Variants in KCNQ1OT1 observed in about 807,000 individuals in gnomAD.
KCNQ1OT1 encodes KCNQ1 antisense RNA 2 (non-protein coding).
At position 2,612,948 on chromosome 11, in the gene KCNQ1OT1, A is replaced by G. The variant is rs1038385884; in HGVS notation, n.87047T>C. 1 of 398,382 alleles carries G rather than the reference A, an allele frequency of 2.5e-6. No individual in the cohort carries two copies. The highest frequency in any genetic ancestry group is 2.1e-5 in the African/African-American group (1 of 48,576). 24.7% of individuals were successfully genotyped at this position (398,382 alleles called of 1,614,324 possible). A position where few individuals can be genotyped will look rare whatever the true frequency, so the allele number is the denominator to read the frequency against. The stretch of plus-strand genomic sequence containing the variant: ...TGCCTTCTCTGCATGGATTCTGCAG[A>G]GTCTGTGTTCTCCTGCAGTGTGCAG... On this transcript the variant is annotated non_coding_transcript_exon_variant, in exon 1 of 1. Coordinates refer to ENST00000597346, the Ensembl canonical transcript of KCNQ1OT1. This position sits in a 1 kb window ranked among gnomAD's most constrained non-coding sequence, Gnocchi z 5.5.
Position 2,695,649 on chromosome 11 carries a change from A to G in KCNQ1OT1, n.4346T>C, listed in dbSNP as rs566327250. 6 of 398,558 alleles carry G rather than the reference A, an allele frequency of 1.5e-5. No homozygotes were observed. Among genetic ancestry groups the G allele is most frequent in the South Asian group, 1.3e-4 (1 of 7,848 alleles). The allele number at this position is 398,558 out of a possible 1,614,324, so 24.7% of individuals were successfully genotyped here. On this transcript the variant is annotated non_coding_transcript_exon_variant, in exon 1 of 1. Coordinates refer to ENST00000597346, the Ensembl canonical transcript of KCNQ1OT1. This position sits in a 1 kb window ranked among gnomAD's most constrained non-coding sequence, Gnocchi z 5.2. ...AGGGAAACTGCTGGGCCACAGGTAT[A>G]AAATATTTTATTTGAGGAAGAAGTG...
rs994164485 is a variant in KCNQ1OT1 at position 2,624,141 on chromosome 11, G to C, written n.75854C>G. 3 of 398,242 alleles carry C rather than the reference G, an allele frequency of 7.5e-6. No homozygotes were observed. Among genetic ancestry groups the C allele is most frequent in the Admixed American group, 4.4e-5 (1 of 22,692 alleles). 24.7% of individuals were successfully genotyped at this position (398,242 alleles called of 1,614,324 possible). ...AGCGTGTAGATATATCACATTTCTT[G>C]TTTTAATTTCCATTTCCCTAATGAC... On this transcript the variant is annotated non_coding_transcript_exon_variant, in exon 1 of 1. Transcript: ENST00000597346. The surrounding 1 kb of genome is among the most constrained non-coding windows in gnomAD (Gnocchi z 4.9).
At position 2,659,226 on chromosome 11, in the gene KCNQ1OT1, C is replaced by G. The variant is rs1849906711; in HGVS notation, n.40769G>C. On this transcript the variant is annotated non_coding_transcript_exon_variant, in exon 1 of 1. Coordinates refer to ENST00000597346, the Ensembl canonical transcript of KCNQ1OT1. The surrounding 1 kb of genome is among the most constrained non-coding windows in gnomAD (Gnocchi z 4.3). ...GTATCATTCACAGAAGTTCCATACCCCTAAAAATACCCTGGGGTGAGTCTT... is the reference window on the plus strand; with the variant it reads ...GTATCATTCACAGAAGTTCCATACCGCTAAAAATACCCTGGGGTGAGTCTT... 2.5e-6 allele frequency: 1 copy of G among 398,616 alleles called. No homozygotes were observed. The allele number at this position is 398,616 out of a possible 1,614,324, so 24.7% of individuals were successfully genotyped here.
exon 1 of KCNQ1OT1, chr11:2,686,144 G>A (rs1850486087): frequency 2.5e-6 from 1 of 398,766 alleles, no homozygotes; most frequent in African/African-American, 2.1e-5. Flanking sequence ...CCTTGCTTCT[G>A]GGGTTTGCTT....
At position 2,668,016 on chromosome 11, in the gene KCNQ1OT1, T is replaced by C; in HGVS notation, n.31979A>G. On this transcript the variant is annotated non_coding_transcript_exon_variant, in exon 1 of 1. Transcript: ENST00000597346. The surrounding 1 kb of genome is among the most constrained non-coding windows in gnomAD (Gnocchi z 4.3). ...CCTTGAGATTAACCACAGGCCTAAC[T>C]GCTAGCAGCAAGGACCAGCTTTGCC... is the stretch of plus-strand genomic sequence containing the variant. 2 of 398,616 alleles carry C rather than the reference T, an allele frequency of 5.0e-6. No individual in the cohort carries two copies. Among genetic ancestry groups the C allele is most frequent in the Non-Finnish European group, 4.4e-6 (1 of 226,064 alleles). 24.7% of individuals were successfully genotyped at this position (398,616 alleles called of 1,614,324 possible).
exon 1 of KCNQ1OT1, chr11:2,622,249 C>T (rs931109927): frequency 1.8e-5 from 7 of 398,228 alleles, no homozygotes; most frequent in South Asian, 1.3e-4. Flanking sequence ...GGTGTGTATA[C>T]GTTTCCAATT....
exon 1 of KCNQ1OT1, chr11:2,666,311 A>G (rs1850066301): frequency 2.5e-6 from 1 of 398,668 alleles, no homozygotes; most frequent in Non-Finnish European, 4.4e-6. Context: ...AAAGCTGCAG[A>G]GACCCCCACC....
rs1849261363 is a variant in KCNQ1OT1 at position 2,626,299 on chromosome 11, T to G, written n.73696A>C. The G allele has an allele frequency of 5.0e-6, 2 of 398,576 alleles. No homozygotes were observed. Among genetic ancestry groups the G allele is most frequent in the East Asian group, 3.6e-5 (1 of 28,054 alleles). The allele number at this position is 398,576 out of a possible 1,614,324, so 24.7% of individuals were successfully genotyped here. On this transcript the variant is annotated non_coding_transcript_exon_variant, in exon 1 of 1. Transcript: ENST00000597346. This position sits in a 1 kb window ranked among gnomAD's most constrained non-coding sequence, Gnocchi z 4.0. ...GGTAAGGATCTCAACTTCATTCTCTTGAGTTAATTTTTGTGTATGGTATTA... is the reference window on the plus strand; with the variant it reads ...GGTAAGGATCTCAACTTCATTCTCTGGAGTTAATTTTTGTGTATGGTATTA...
At chr11:2,697,999 T>C in exon 1 of KCNQ1OT1, 1 of 398,594 alleles carries the variant, frequency 2.5e-6, no homozygotes, top group African/African-American at 2.1e-5. Context: ...TCCTACTGAG[T>C]ATCTGGAAAA....
exon 1 of KCNQ1OT1, chr11:2,636,583 T>G (rs1849469585): frequency 6.6e-6 from 1 of 152,156 alleles, no homozygotes; most frequent in South Asian, 2.1e-4. Flanking sequence ...TGGATTCGGT[T>G]TGCCAGTATT....
At position 2,683,542 on chromosome 11, in the gene KCNQ1OT1, G is replaced by A. The variant is rs1169355896; in HGVS notation, n.16453C>T. On this transcript the variant is annotated non_coding_transcript_exon_variant, in exon 1 of 1. Transcript: ENST00000597346. This position sits in a 1 kb window ranked among gnomAD's most constrained non-coding sequence, Gnocchi z 4.7. Reference sequence around the variant, plus strand: ...TCAGAGTAAACATTTCTAAAAAAGAGGTAGAAGCCCCTACCTACTGACTGG... The same window carrying A: ...TCAGAGTAAACATTTCTAAAAAAGAAGTAGAAGCCCCTACCTACTGACTGG... 2 of 398,614 alleles carry A rather than the reference G, an allele frequency of 5.0e-6. No individual in the cohort carries two copies. The highest frequency in any genetic ancestry group is 8.8e-6 in the Non-Finnish European group (2 of 226,072). 24.7% of individuals were successfully genotyped at this position (398,614 alleles called of 1,614,324 possible). A position where few individuals can be genotyped will look rare whatever the true frequency, so the allele number is the denominator to read the frequency against.
At position 2,623,816 on chromosome 11, in the gene KCNQ1OT1, A is replaced by C. The variant is rs189957838; in HGVS notation, n.76179T>G. The C allele has an allele frequency of 7.3e-5, 29 of 398,480 alleles. No homozygotes were observed. In the Admixed American group the frequency reaches 1.1e-3, roughly 16 times the overall value. 24.7% of individuals were successfully genotyped at this position (398,480 alleles called of 1,614,324 possible). On this transcript the variant is annotated non_coding_transcript_exon_variant, in exon 1 of 1. Coordinates refer to ENST00000597346, the Ensembl canonical transcript of KCNQ1OT1. The surrounding 1 kb of genome is among the most constrained non-coding windows in gnomAD (Gnocchi z 5.2). ...TGTGATTGCTGAACTGCATGGTAAGAATATGTTTAATTTTATAAGAAACCA... is the reference window on the plus strand; with the variant it reads ...TGTGATTGCTGAACTGCATGGTAAGCATATGTTTAATTTTATAAGAAACCA...
At chr11:2,635,601 G>C (rs1012531031) in exon 1 of KCNQ1OT1, 1 of 152,196 alleles carries the variant, frequency 6.6e-6, no homozygotes, top group East Asian at 1.9e-4. Context: ...AGTATAGTTT[G>C]AAGTCAGGTA....
In KCNQ1OT1 at chr11:2,677,044, G is replaced by C. The variant is rs1850306181; in HGVS notation, n.22951C>G. 1 of 398,516 alleles carries C rather than the reference G, an allele frequency of 2.5e-6. No homozygotes were observed. 24.7% of individuals were successfully genotyped at this position (398,516 alleles called of 1,614,324 possible). On this transcript the variant is annotated non_coding_transcript_exon_variant, in exon 1 of 1. Coordinates refer to ENST00000597346, the Ensembl canonical transcript of KCNQ1OT1. This position sits in a 1 kb window ranked among gnomAD's most constrained non-coding sequence, Gnocchi z 4.5. Reference sequence around the variant, plus strand: ...AGATCCTCTGTTGATGGATATGTAGGGCAGCTAAAAAACAGCAGCCATTAA... The same window carrying C: ...AGATCCTCTGTTGATGGATATGTAGCGCAGCTAAAAAACAGCAGCCATTAA...
exon 1 of KCNQ1OT1, chr11:2,694,289 G>T: frequency 2.5e-6 from 1 of 398,702 alleles, no homozygotes; most frequent in Non-Finnish European, 4.4e-6. Context: ...CACCATCCCA[G>T]TCCCAAGAGC....
exon 1 of KCNQ1OT1, chr11:2,641,394 CT>C (rs149997993): frequency 1.5e-4 from 57 of 378,198 alleles, no homozygotes; most frequent in East Asian, 5.2e-4. Flanking sequence ...TGATGTTGGG[CT>C]TTTTTTTTTA....
rs1269435227 is a variant in KCNQ1OT1 at position 2,647,673 on chromosome 11, C to T, written n.52322G>A. 1 of 398,492 alleles carries T rather than the reference C, an allele frequency of 2.5e-6. No homozygotes were observed. Among genetic ancestry groups the T allele is most frequent in the African/African-American group, 2.1e-5 (1 of 48,722 alleles). 24.7% of individuals were successfully genotyped at this position (398,492 alleles called of 1,614,324 possible). On this transcript the variant is annotated non_coding_transcript_exon_variant, in exon 1 of 1. Transcript: ENST00000597346. The surrounding 1 kb of genome is among the most constrained non-coding windows in gnomAD (Gnocchi z 4.0). ...ACTTTATTACTGATACAATCTCATT[C>T]CTTGTTATTGCTCTGTTCAGATTTT...
chr11:2,638,162 C>G (rs958035686), exon 1 of KCNQ1OT1: 2 of 152,136 alleles, frequency 1.3e-5, no homozygotes, highest in African/African-American at 2.4e-5. Flanking sequence ...TTAATTGGAG[C>G]CTTTAGCCTA....
chr11:2,661,827 CTGAT>C lies in KCNQ1OT1; in HGVS notation n.38164_38167del. 4 of 1,016,098 alleles carry C rather than the reference CTGAT, an allele frequency of 3.9e-6. No homozygotes were observed. The highest frequency in any genetic ancestry group is 6.1e-6 in the Non-Finnish European group (4 of 656,364). 62.9% of individuals were successfully genotyped at this position (1,016,098 alleles called of 1,614,324 possible). On this transcript the variant is annotated non_coding_transcript_exon_variant, in exon 1 of 1. Coordinates refer to ENST00000597346, the Ensembl canonical transcript of KCNQ1OT1. This position sits in a 1 kb window ranked among gnomAD's most constrained non-coding sequence, Gnocchi z 5.9. ...CCCACCCCAACACCCAACTATAAAA[CTGAT>C]TGTCAGGGCTGGAGCTTCCAGGCAC...
Sources: allele counts gnomAD v4.1 joint callset, GRCh38; gene constraint gnomAD v4.1.1; non-coding constraint Gnocchi (gnomAD v3.1); transcripts MANE v1.5; gene names NCBI Gene and HGNC (gene_info 2026-07-23, HGNC 2026-07-21).